Variants in ATXN10 observed in about 807,000 individuals in gnomAD.
ATXN10 encodes ataxin-10.
In ATXN10, 28 loss-of-function variants were observed where a neutral mutation model predicts 52.9. The observed-to-expected ratio is 0.53, with a 90% CI of 0.39 to 0.73. The LOEUF (loss-of-function observed/expected upper bound fraction) is 0.73, where lower values mean the gene tolerates loss of function less well. Among genes scored for constraint, ATXN10 ranks in the 30% least tolerant of loss-of-function variants. The probability of loss-of-function intolerance (pLI) is 0.00; values close to 1 mark genes in which losing one functional copy is unlikely to be tolerated. For missense variants in ATXN10, 565 were observed against 577.0 expected (o/e 0.98, Z 0.21); for synonymous variants, 226 against 221.5 (o/e 1.02, Z -0.18).
In ATXN10 at chr22:45,715,212, C is replaced by T. The variant is rs146366393; in HGVS notation, c.648-3201C>T. 4.2e-4 allele frequency among the ~76,000 whole-genome samples: 64 copies of T among 152,252 alleles called. No homozygotes were observed. The East Asian group carries it at 5.2e-3, about 12-fold the overall frequency. On this transcript the variant is annotated intron_variant, in intron 5 of 11. Transcript: ENST00000252934. The surrounding 1 kb of genome is among the most constrained non-coding windows in gnomAD (Gnocchi z 4.4). ...AAGAAAATTTCCAAAGTGAAGCAGA[C>T]CCAGTCTGTTGCCCACTGTTTAAAA...
At chr22:45,830,628 A>T (rs186404053) in intron 10 of ATXN10, among the ~76,000 whole-genome samples, 36 of 152,244 alleles carry the variant, frequency 2.4e-4, no homozygotes, top group Non-Finnish European at 4.7e-4. Flanking sequence ...TCATGAGGAA[A>T]ATGCAAATCA....
chr22:45,729,474 C>T lies in ATXN10; in HGVS notation c.778C>T (p.Leu260Phe), dbSNP rs1925002226. The T allele has an allele frequency of 6.2e-7, 1 of 1,614,172 alleles. No individual in the cohort carries two copies. The highest frequency in any genetic ancestry group is 8.5e-7 in the Non-Finnish European group (1 of 1,180,030). ...AGCCAAGATAACGAGTGATGAGCCA[C>T]TCACCAAGGATGACATCCCTGTGTT... ...MIAKITSDEP[L>F]TKDDIPVFLR... The change falls in exon 7 of 12, where the codon CTC becomes TTC. Residue 260 changes from leucine (L) to phenylalanine (F), a missense_variant. Coordinates refer to ENST00000252934, the MANE Select transcript of ATXN10 (RefSeq NM_013236.4).
rs1450141194 is a variant in ATXN10 at position 45,833,412 on chromosome 22, G to A, written c.1238-9579G>A. On this transcript the variant is annotated intron_variant, in intron 10 of 11. Transcript: ENST00000252934. The surrounding 1 kb of genome is among the most constrained non-coding windows in gnomAD (Gnocchi z 4.3). ...TCCTTGACTCCTCAGGGCCTGCTGG[G>A]TCTTGTCTGTTCTAAATCGCCAGAA... Among the ~76,000 whole-genome samples, 3 of 152,166 alleles carry A rather than the reference G, an allele frequency of 2.0e-5. No homozygotes were observed. The highest frequency in any genetic ancestry group is 6.5e-5 in the Admixed American group (1 of 15,290).
Position 45,718,159 on chromosome 22 carries a change from T to A in ATXN10, c.648-254T>A, listed in dbSNP as rs1346813576. ...AGCTATAGTAGCCCTGTCTTCCCGT[T>A]GAATCAATTTAAATTATTTCCATAA... is the stretch of plus-strand genomic sequence containing the variant. On this transcript the variant is annotated intron_variant, in intron 5 of 11. Coordinates refer to ENST00000252934, the MANE Select transcript of ATXN10 (RefSeq NM_013236.4). This position sits in a 1 kb window ranked among gnomAD's most constrained non-coding sequence, Gnocchi z 4.4. Among the ~76,000 whole-genome samples the A allele has an allele frequency of 6.6e-6, 1 of 152,210 alleles. No homozygotes were observed. The highest frequency in any genetic ancestry group is 1.5e-5 in the Non-Finnish European group (1 of 68,030).
At position 45,681,453 on chromosome 22, in the gene ATXN10, A is replaced by C. The variant is rs576295064; in HGVS notation, c.117-8259A>C. ...AGTCTTTTGACCCTATTTCCTATTTACTACCCCTTTTGTTTTTCATTCCCC... is the reference window on the plus strand; with the variant it reads ...AGTCTTTTGACCCTATTTCCTATTTCCTACCCCTTTTGTTTTTCATTCCCC... On this transcript the variant is annotated intron_variant, in intron 1 of 11. Coordinates refer to ENST00000252934, the MANE Select transcript of ATXN10 (RefSeq NM_013236.4). This position sits in a 1 kb window ranked among gnomAD's most constrained non-coding sequence, Gnocchi z 4.2. Among the ~76,000 whole-genome samples the C allele has an allele frequency of 2.0e-5, 3 of 152,138 alleles. No individual in the cohort carries two copies. The East Asian group carries it at 5.8e-4, about 29-fold the overall frequency.
At position 45,826,778 on chromosome 22, in the gene ATXN10, A is replaced by G. The variant is rs1222069417; in HGVS notation, c.1238-16213A>G. On this transcript the variant is annotated intron_variant, in intron 10 of 11. Coordinates refer to ENST00000252934, the MANE Select transcript of ATXN10 (RefSeq NM_013236.4). This position sits in a 1 kb window ranked among gnomAD's most constrained non-coding sequence, Gnocchi z 5.0. ...TTACCACTAGACCTGCCTTGTAAGA[A>G]ATGCTCAAGGTAATCCTGCAGGATG... 3.3e-5 allele frequency among the ~76,000 whole-genome samples: 5 copies of G among 152,230 alleles called. No individual in the cohort carries two copies. Among genetic ancestry groups the G allele is most frequent in the Non-Finnish European group, 5.9e-5 (4 of 68,032 alleles).
At chr22:45,699,671 C>T (rs2146751089) in intron 3 of ATXN10, among the ~76,000 whole-genome samples, 1 of 151,092 alleles carries the variant, frequency 6.6e-6, no homozygotes, top group South Asian at 2.1e-4. Context: ...TTTGTGTTTT[C>T]AGTAGTGACG....
At position 45,790,466 on chromosome 22, in the gene ATXN10, A is replaced by T. The variant is rs367968115; in HGVS notation, c.1174-16493A>T. On this transcript the variant is annotated intron_variant, in intron 9 of 11. Transcript: ENST00000252934. This position sits in a 1 kb window ranked among gnomAD's most constrained non-coding sequence, Gnocchi z 4.7. ...ACCCCAAGCAAAAGTATGTCTCCAG[A>T]AACCAATACTTCTTACTTGTTGCCA... 2.6e-5 allele frequency among the ~76,000 whole-genome samples: 4 copies of T among 152,248 alleles called. No individual in the cohort carries two copies. The East Asian group carries it at 5.8e-4, about 22-fold the overall frequency.
At chr22:45,768,701 G>A (rs1300537623) in intron 9 of ATXN10, among the ~76,000 whole-genome samples, 1 of 152,166 alleles carries the variant, frequency 6.6e-6, no homozygotes, top group Non-Finnish European at 1.5e-5. Flanking sequence ...TGAAAGGAGT[G>A]GGGAGGAACA....
At chr22:45,821,161 A>C (rs1480635401) in intron 10 of ATXN10, among the ~76,000 whole-genome samples, 2 of 152,194 alleles carry the variant, frequency 1.3e-5, no homozygotes, top group Admixed American at 1.3e-4. Context: ...TTTTGAGAGA[A>C]GCCAAAGTGT....
intron 5 of ATXN10, among the ~76,000 whole-genome samples, chr22:45,717,301 T>C (rs1018445577): frequency 2.0e-5 from 3 of 152,188 alleles, no homozygotes; most frequent in South Asian, 2.1e-4. Context: ...CTTTATTGTT[T>C]GGAGAATATA....
intron 1 of ATXN10, among the ~76,000 whole-genome samples, chr22:45,686,940 G>A (rs2146734086): frequency 6.6e-6 from 1 of 152,278 alleles, no homozygotes; most frequent in African/African-American, 2.4e-5. Flanking sequence ...CGAAATCGGG[G>A]GTTTTCAGGA....
intron 10 of ATXN10, among the ~76,000 whole-genome samples, chr22:45,838,587 C>T (rs2146917586): frequency 6.6e-6 from 1 of 152,296 alleles, no homozygotes; most frequent in East Asian, 1.9e-4. Flanking sequence ...TTCTCCCCTA[C>T]TCTTTCTTTC....
chr22:45,810,395 A>C (rs1928242416), intron 10 of ATXN10, among the ~76,000 whole-genome samples: 1 of 152,182 alleles, frequency 6.6e-6, no homozygotes, highest in Non-Finnish European at 1.5e-5. Flanking sequence ...ATTTTTGGTC[A>C]TTTGTATTGT....
In ATXN10 at chr22:45,826,992, AT is replaced by A. The variant is rs1331784531; in HGVS notation, c.1238-15991del. On this transcript the variant is annotated intron_variant, in intron 10 of 11. Transcript: ENST00000252934. This position sits in a 1 kb window ranked among gnomAD's most constrained non-coding sequence, Gnocchi z 5.0. ...GGGGTACACAGCATATAAGGTTTTA[AT>A]TTTTTTTATGTTAACCGAAAGGAGT... Among the ~76,000 whole-genome samples the A allele has an allele frequency of 4.6e-5, 7 of 152,064 alleles. No homozygotes were observed. The highest frequency in any genetic ancestry group is 8.8e-5 in the Non-Finnish European group (6 of 67,982).
At chr22:45,687,580 A>C (rs944805185) in intron 1 of ATXN10, among the ~76,000 whole-genome samples, 1 of 152,256 alleles carries the variant, frequency 6.6e-6, no homozygotes, top group Non-Finnish European at 1.5e-5. Flanking sequence ...ACTTGACTAT[A>C]GCATTAAATA....
At position 45,774,792 on chromosome 22, in the gene ATXN10, G is replaced by A. The variant is rs1420215732; in HGVS notation, c.1174-32167G>A. 6.6e-6 allele frequency among the ~76,000 whole-genome samples: 1 copy of A among 152,174 alleles called. No homozygotes were observed. Among genetic ancestry groups the A allele is most frequent in the African/African-American group, 2.4e-5 (1 of 41,432 alleles). The stretch of plus-strand genomic sequence containing the variant: ...TACTAAAAATACAAAAATTAGCTGA[G>A]TGTGGTGGCACGCGCCTGTAATCCC... On this transcript the variant is annotated intron_variant, in intron 9 of 11. Transcript: ENST00000252934. This position sits in a 1 kb window ranked among gnomAD's most constrained non-coding sequence, Gnocchi z 6.2.
Position 45,806,881 on chromosome 22 carries a change from A to G in ATXN10, c.1174-78A>G, listed in dbSNP as rs1928116212. On this transcript the variant is annotated intron_variant, in intron 9 of 11. Transcript: ENST00000252934. ...ATTATAACATTGAGTAAGAAAACAC[A>G]AAAGGAACAAGTCATCTGTAATCTC... The G allele has an allele frequency of 3.5e-6, 4 of 1,151,068 alleles. No homozygotes were observed. The South Asian group carries it at 4.9e-5, about 14-fold the overall frequency. 71.3% of individuals were successfully genotyped at this position (1,151,068 alleles called of 1,614,324 possible).
At chr22:45,673,992 G>A (rs1922580767) in intron 1 of ATXN10, 1 of 152,286 alleles carries the variant, frequency 6.6e-6, no homozygotes, top group South Asian at 2.1e-4. Context: ...TATCTCTTGT[G>A]AGGGAAGAAG....
Sources: allele counts gnomAD v4.1 joint callset (sites outside exome capture counted in the v4.1 genomes callset), GRCh38; gene constraint gnomAD v4.1.1; non-coding constraint Gnocchi (gnomAD v3.1); transcripts MANE v1.5; gene names NCBI Gene and HGNC (gene_info 2026-07-23, HGNC 2026-07-21).